The following FMN1 variants were observed in gnomAD, a reference collection of about 807,000 sequenced individuals.
FMN1 encodes formin 1, also known as formin-1.
In FMN1, 110 loss-of-function variants were observed where a neutral mutation model predicts 132.4. The observed-to-expected ratio is 0.83, with a 90% CI of 0.71 to 0.97. FMN1 has a LOEUF of 0.97. Ranked by LOEUF, FMN1 falls within the 50% of genes least tolerant of loss-of-function variation. The probability of loss-of-function intolerance (pLI) is 0.00; values close to 1 mark genes in which losing one functional copy is unlikely to be tolerated. For missense variants in FMN1, 1,792 were observed against 1,705.3 expected (o/e 1.05, Z -0.90); for synonymous variants, 722 against 651.7 (o/e 1.11, Z -1.64).
At chr15:32,784,367 G>C (rs888937507) in intron 19 of FMN1, among the ~76,000 whole-genome samples, 33 of 151,260 alleles carry the variant, frequency 2.2e-4, no homozygotes. Context: ...GACAAAAAGA[G>C]GTCTGCTTTT....
At chr15:32,959,636 T>G (rs1379006648) in intron 9 of FMN1, among the ~76,000 whole-genome samples, 1 of 152,198 alleles carries the variant, frequency 6.6e-6, no homozygotes, top group African/African-American at 2.4e-5. Flanking sequence ...TTAAAGAGTT[T>G]AAATGAAGTG....
At chr15:32,968,575 T>G in intron 8 of FMN1, 139 bp downstream of exon 8, 1 of 1,288,526 alleles carries the variant, frequency 7.8e-7, no homozygotes, top group Non-Finnish European at 1.0e-6. Context: ...CATCCCAACA[T>G]TGTTTATCCA....
intron 16 of FMN1, among the ~76,000 whole-genome samples, chr15:32,883,540 A>AAAAAAAAAAAAG (rs2059821860): frequency 7.1e-6 from 1 of 141,172 alleles, no homozygotes; most frequent in African/African-American, 2.7e-5. Flanking sequence ...AAAAAAAAAA[A>AAAAAAAAAAAAG]AAGAATGAGA....
At chr15:33,024,223 ATTTTTTTTTTTTTTTTTTTTTT>A (rs555760509) in intron 6 of FMN1, among the ~76,000 whole-genome samples, 3,541 of 88,044 alleles carry the variant, frequency 0.04, 107 homozygotes, top group African/African-American at 0.063. Context: ...CACCTATCAG[ATTTTTTTTTTTTTTTTTTTTTT>A]TTTTTTTTTT....
chr15:32,841,151 T>G (rs1417248867), intron 17 of FMN1, among the ~76,000 whole-genome samples: 1 of 152,208 alleles, frequency 6.6e-6, no homozygotes, highest in Non-Finnish European at 1.5e-5. Context: ...TCATCACAGT[T>G]CGTGGGAAAC....
At chr15:33,084,707 C>T (rs1200698666) in intron 5 of FMN1, among the ~76,000 whole-genome samples, 1 of 151,984 alleles carries the variant, frequency 6.6e-6, no homozygotes, top group Non-Finnish European at 1.5e-5. Flanking sequence ...CCTACACCAA[C>T]CCCACCTCCT....
intron 4 of FMN1, among the ~76,000 whole-genome samples, chr15:33,121,987 C>T (rs1962604321): frequency 6.6e-6 from 1 of 152,156 alleles, no homozygotes; most frequent in Non-Finnish European, 1.5e-5. Context: ...AAGTGTACTG[C>T]AAGCAAACAA....
chr15:33,105,936 G>C (rs569783901), intron 4 of FMN1: 3 of 152,222 alleles, frequency 2.0e-5, no homozygotes, highest in South Asian at 4.1e-4. Context: ...ATGCCTGGTA[G>C]AGCTGAGTCT....
intron 4 of FMN1, among the ~76,000 whole-genome samples, chr15:33,143,204 G>C (rs1964077168): frequency 6.6e-6 from 1 of 152,152 alleles, no homozygotes; most frequent in African/African-American, 2.4e-5. Context: ...CCCATGCAGA[G>C]ATGAATAGTT....
intron 17 of FMN1, among the ~76,000 whole-genome samples, chr15:32,844,423 A>T (rs1458826356): frequency 6.6e-6 from 1 of 152,190 alleles, no homozygotes; most frequent in African/African-American, 2.4e-5. Context: ...TATATCATCA[A>T]GATGTAATTA....
chr15:32,858,959 T>C (rs4780050), intron 16 of FMN1, among the ~76,000 whole-genome samples: 22,376 of 152,182 alleles, frequency 0.15, 1,998 homozygotes, highest in East Asian at 0.32. Flanking sequence ...GCTAGAGTAG[T>C]GTCCAAGGAG....
At chr15:32,899,879 A>G in intron 14 of FMN1, 100 bp downstream of exon 14, 1 of 1,161,868 alleles carries the variant, frequency 8.6e-7, no homozygotes. Context: ...TAAGGGGAGG[A>G]TAGAGATAAA....
At chr15:32,787,757 G>A (rs902833325) in intron 19 of FMN1, among the ~76,000 whole-genome samples, 1 of 152,116 alleles carries the variant, frequency 6.6e-6, no homozygotes, top group African/African-American at 2.4e-5. Context: ...GGAGGCTGAG[G>A]CAGGAGGATC....
At chr15:32,825,206 T>C (rs2058333702) in intron 17 of FMN1, among the ~76,000 whole-genome samples, 1 of 152,248 alleles carries the variant, frequency 6.6e-6, no homozygotes, top group Admixed American at 6.5e-5. Context: ...GTGCATTTAT[T>C]TGTCTACACA....
At chr15:33,046,664 TGCTGG>T (rs2036699507) in intron 6 of FMN1, among the ~76,000 whole-genome samples, 1 of 152,182 alleles carries the variant, frequency 6.6e-6, no homozygotes, top group Admixed American at 6.5e-5. Context: ...CAAACAGGGT[TGCTGG>T]GCTCTCTTAG....
rs752082237 is a variant in FMN1 at position 33,154,871 on chromosome 15, G to A, written c.44C>T (p.Thr15Met). Residue 15 changes from threonine to methionine, a missense_variant, in exon 4 of 21, where the codon ACG becomes ATG. By Grantham distance (81) the Thr-to-Met change is moderately conservative. Around this residue, in one of 3 missense-constraint regions of FMN1, gnomAD observed 638 missense variants for 645.2 expected, o/e 0.99. Coordinates refer to ENST00000616417, the MANE Select transcript of FMN1 (RefSeq NM_001277313.2). ...ACAGAAGCTGATGTAGCAGAGTTCC[G>A]TAATGGGCTTATGCAATTGGAGGGT... ...HCTLQLHKPI[T>M]ELCYISFCLP... 128 of 1,536,044 alleles carry A rather than the reference G, an allele frequency of 8.3e-5. 2 individuals are homozygous for A. The South Asian group carries it at 1.4e-3, about 16-fold the overall frequency.
chr15:32,979,699 C>CTAT (rs1271371620), intron 7 of FMN1, among the ~76,000 whole-genome samples: 2 of 151,412 alleles, frequency 1.3e-5, no homozygotes, highest in Non-Finnish European at 1.5e-5. Flanking sequence ...ATTATTTTTA[C>CTAT]TATTATTATT....
intron 3 of FMN1, among the ~76,000 whole-genome samples, chr15:33,155,659 T>C (rs12592365): frequency 0.36 from 54,567 of 152,074 alleles, 11,834 homozygotes; most frequent in Admixed American, 0.46. Context: ...GTTTTGCTGT[T>C]TTCTTTTTTA....
At chr15:33,000,375 G>T (rs902140115) in intron 7 of FMN1, among the ~76,000 whole-genome samples, 79 of 150,788 alleles carry the variant, frequency 5.2e-4, no homozygotes, top group Middle Eastern at 3.4e-3. Context: ...CGTGAACCTG[G>T]GAGGCAGAGC....
Sources: gnomAD v4.1 joint callset for allele counts (sites outside exome capture counted in the v4.1 genomes callset) on GRCh38, gnomAD v4.1.1 for gene constraint, gnomAD v4.1.1 regional missense constraint, MANE v1.5 for transcripts, NCBI Gene and HGNC (gene_info 2026-07-23, HGNC 2026-07-21) for gene names.